The following ATRNL1 variants were observed in gnomAD, a reference collection of about 807,000 sequenced individuals.
ATRNL1 encodes attractin like 1.
ATRNL1 carries 95 observed loss-of-function variants against 182.7 expected under a neutral mutation model. The observed-to-expected ratio is 0.52, with a 90% CI of 0.44 to 0.62. The LOEUF is 0.62. ATRNL1 is among the 20% of genes least tolerant of loss of function. ATRNL1 has a pLI of 0.00. For synonymous variants in ATRNL1, 576 were observed against 568.3 expected, an observed-to-expected ratio of 1.01 and a Z score of -0.19; for missense variants, 1,471 against 1,679.5, an observed-to-expected ratio of 0.88 and a Z score of 2.17.
chr10:115,243,977 TG>T (rs1377064336), intron 10 of ATRNL1, among the ~76,000 whole-genome samples: 1 of 152,148 alleles, frequency 6.6e-6, no homozygotes, highest in African/African-American at 2.4e-5. Context: ...ACTATTTTTC[TG>T]GGAAAAGGTA....
chr10:115,508,788 A>G (rs1850242263), intron 24 of ATRNL1, among the ~76,000 whole-genome samples: 1 of 152,054 alleles, frequency 6.6e-6, no homozygotes, highest in Non-Finnish European at 1.5e-5. Flanking sequence ...AGCCATCTTC[A>G]TAACAAAAGT....
At chr10:115,689,842 G>A (rs1173277259) in intron 26 of ATRNL1, among the ~76,000 whole-genome samples, 1 of 152,184 alleles carries the variant, frequency 6.6e-6, no homozygotes, top group East Asian at 1.9e-4. Context: ...TGTCCTGGAC[G>A]CTGGGGCCAC....
chr10:115,947,321 T>C lies in ATRNL1; in HGVS notation c.*2542T>C, dbSNP rs1000313765. 2.3e-4 allele frequency: 35 copies of C among 152,634 alleles called. No individual in the cohort carries two copies. Among genetic ancestry groups the C allele is most frequent in the African/African-American group, 7.7e-4 (32 of 41,436 alleles). 9.5% of individuals were successfully genotyped at this position (152,634 alleles called of 1,614,324 possible). ...TCCCAGAATTTCGCAGTTAAATGGC[T>C]GATCCTCTTGAAAACTAACCTTAAT... On this transcript the variant is annotated 3_prime_UTR_variant, in exon 29 of 29. Coordinates refer to ENST00000355044, the MANE Select transcript of ATRNL1 (RefSeq NM_207303.4).
chr10:115,564,023 C>T (rs548114733), intron 26 of ATRNL1, among the ~76,000 whole-genome samples: 8 of 152,048 alleles, frequency 5.3e-5, no homozygotes, highest in Non-Finnish European at 1.2e-4. Flanking sequence ...AACTGGTGTT[C>T]GACCTGTACT....
chr10:115,783,043 T>G (rs575575316), intron 27 of ATRNL1, among the ~76,000 whole-genome samples: 71 of 152,324 alleles, frequency 4.7e-4, no homozygotes, highest in African/African-American at 1.6e-3. Flanking sequence ...TGCTTAGTGA[T>G]CTGGTTGGTA....
At chr10:115,494,242 T>C (rs1849440215) in intron 24 of ATRNL1, among the ~76,000 whole-genome samples, 1 of 152,178 alleles carries the variant, frequency 6.6e-6, no homozygotes, top group Non-Finnish European at 1.5e-5. Flanking sequence ...GGTCAGACAC[T>C]ATGAGGTTTT....
At chr10:115,765,345 T>C (rs1462676584) in intron 27 of ATRNL1, among the ~76,000 whole-genome samples, 1 of 152,178 alleles carries the variant, frequency 6.6e-6, no homozygotes, top group Non-Finnish European at 1.5e-5. Flanking sequence ...TGTCAGTGTT[T>C]TCGATTTTGG....
At chr10:115,610,954 T>G (rs551992221) in intron 26 of ATRNL1, among the ~76,000 whole-genome samples, 3 of 152,224 alleles carry the variant, frequency 2.0e-5, no homozygotes, top group African/African-American at 7.2e-5. Context: ...ATATAAACAT[T>G]AATTTGTTCT....
In ATRNL1 at chr10:115,944,915, C is replaced by A; in HGVS notation, c.*136C>A. 2 of 1,050,276 alleles carry A rather than the reference C, an allele frequency of 1.9e-6. No individual in the cohort carries two copies. The highest frequency in any genetic ancestry group is 2.6e-6 in the Non-Finnish European group (2 of 777,802). The allele number at this position is 1,050,276 out of a possible 1,614,324, so 65.1% of individuals were successfully genotyped here. On this transcript the variant is annotated 3_prime_UTR_variant, in exon 29 of 29. Coordinates refer to ENST00000355044, the MANE Select transcript of ATRNL1 (RefSeq NM_207303.4). ...TGAGTACAGTTTCCTTCCAAATGGACAATGACCCAGGTGGCCAAAGAATGT... is the reference window on the plus strand; with the variant it reads ...TGAGTACAGTTTCCTTCCAAATGGAAAATGACCCAGGTGGCCAAAGAATGT...
At chr10:115,801,837 C>T (rs548813394) in intron 27 of ATRNL1, among the ~76,000 whole-genome samples, 2 of 152,172 alleles carry the variant, frequency 1.3e-5, no homozygotes, top group East Asian at 3.9e-4. Flanking sequence ...AATAATTCAA[C>T]TTTCACAGTT....
intron 5 of ATRNL1, among the ~76,000 whole-genome samples, chr10:115,141,788 G>A (rs938428024): frequency 2.0e-5 from 3 of 151,970 alleles, no homozygotes; most frequent in Non-Finnish European, 2.9e-5. Flanking sequence ...GTTTAATTCC[G>A]TTAAATTCTT....
At chr10:115,746,907 TGTGA>T (rs1338820058) in intron 27 of ATRNL1, among the ~76,000 whole-genome samples, 1 of 152,098 alleles carries the variant, frequency 6.6e-6, no homozygotes, top group African/African-American at 2.4e-5. Context: ...TCAGTTGAAG[TGTGA>T]GTATCTGTAG....
intron 20 of ATRNL1, among the ~76,000 whole-genome samples, chr10:115,404,815 C>CTTTT (rs11408585): frequency 0.25 from 33,980 of 136,146 alleles, 4,627 homozygotes; most frequent in Non-Finnish European, 0.31. Flanking sequence ...AACCTCCCAG[C>CTTTT]TTTTTTTTTT....
chr10:115,126,654 A>C lies in ATRNL1; in HGVS notation c.492-939A>C, dbSNP rs545050698. Among the ~76,000 whole-genome samples, 9 of 152,300 alleles carry C rather than the reference A, an allele frequency of 5.9e-5. No homozygotes were observed. In the South Asian group the frequency reaches 1.7e-3, roughly 28 times the overall value. On this transcript the variant is annotated intron_variant, in intron 3 of 28. Coordinates refer to ENST00000355044, the MANE Select transcript of ATRNL1 (RefSeq NM_207303.4). Reference sequence around the variant, plus strand: ...TGAGAATGTATTTTCTAAATCAATTATTTGACTATAATATTTCATTTATGT... The same window carrying C: ...TGAGAATGTATTTTCTAAATCAATTCTTTGACTATAATATTTCATTTATGT...
At chr10:115,924,442 G>GGTT in intron 28 of ATRNL1, among the ~76,000 whole-genome samples, 1 of 152,076 alleles carries the variant, frequency 6.6e-6, no homozygotes, top group Admixed American at 6.5e-5. Context: ...GTAAGGAAGG[G>GGTT]GTCCTGTTTC....
At chr10:115,526,384 T>C (rs530129405) in intron 25 of ATRNL1, among the ~76,000 whole-genome samples, 47 of 152,276 alleles carry the variant, frequency 3.1e-4, no homozygotes, top group African/African-American at 1.1e-3. Flanking sequence ...CAGTAAATGG[T>C]TTGTTAATGG....
intron 1 of ATRNL1, among the ~76,000 whole-genome samples, chr10:115,098,126 C>T (rs572251496): frequency 2.6e-5 from 4 of 152,106 alleles, no homozygotes; most frequent in African/African-American, 7.2e-5. Context: ...ATTATTTTTA[C>T]ATTATTAAAG....
At chr10:115,850,785 A>G (rs1171299888) in intron 28 of ATRNL1, among the ~76,000 whole-genome samples, 1 of 152,162 alleles carries the variant, frequency 6.6e-6, no homozygotes, top group African/African-American at 2.4e-5. Context: ...AAATTCATTT[A>G]CCCTTTCCCA....
intron 26 of ATRNL1, among the ~76,000 whole-genome samples, chr10:115,558,416 G>A (rs1167668467): frequency 6.6e-6 from 1 of 152,140 alleles, no homozygotes. Context: ...TAAAGGCTGA[G>A]GTGAATTGGC....
Sources: gnomAD v4.1 joint callset for allele counts (sites outside exome capture counted in the v4.1 genomes callset) on GRCh38, gnomAD v4.1.1 for gene constraint, MANE v1.5 for transcripts, NCBI Gene and HGNC (gene_info 2026-07-23, HGNC 2026-07-21) for gene names.